Variants in ARHGEF19 observed in about 807,000 individuals in gnomAD.
ARHGEF19 encodes the protein Rho guanine nucleotide exchange factor (GEF) 19.
A neutral mutation model predicts 87.6 loss-of-function variants in ARHGEF19; 92 were observed. That is an observed-to-expected ratio of 1.05 (90% CI 0.89 to 1.25). The LOEUF (loss-of-function observed/expected upper bound fraction) is 1.25, where lower values mean the gene tolerates loss of function less well. ARHGEF19 is among the 50% of genes most tolerant of loss of function. ARHGEF19 has a pLI of 0.00. For synonymous variants in ARHGEF19, 438 were observed against 446.2 expected (o/e 0.98, Z 0.23); for missense variants, 1,054 against 1,051.8 (o/e 1.00, Z -0.03).
rs185376826 is a variant in ARHGEF19, at chr1:16,205,882, C to A, written c.1451+49G>T. On this transcript the variant is annotated intron_variant, in intron 8 of 15. Coordinates refer to ENST00000270747, the MANE Select transcript of ARHGEF19 (RefSeq NM_153213.5). The surrounding 1 kb of genome is among the most constrained non-coding windows in gnomAD (Gnocchi z 5.8). ...ACCCAGCCCTCAGTGCCTACACCTG[C>A]CTGAGACTCCCTCCACGCCCCCGCC... 8.3e-6 allele frequency: 13 copies of A among 1,562,094 alleles called. No homozygotes were observed. The Admixed American group carries it at 1.7e-4, about 21-fold the overall frequency.
At position 16,212,045 on chromosome 1, in the gene ARHGEF19, A is replaced by G. The variant is rs552428267; in HGVS notation, c.-30+457T>C. ...TCCTAAGGGACCGCACCACCGCCCA[A>G]TGCCCTCTCTAAGAAACATGTCTCA... On this transcript the variant is annotated intron_variant, in intron 1 of 15. Transcript: ENST00000270747. 2.1e-3 allele frequency among the ~76,000 whole-genome samples: 320 copies of G among 151,054 alleles called. 1 individual carries two copies. The highest frequency in any genetic ancestry group is 3.9e-3 in the South Asian group (19 of 4,826).
chr1:16,209,769 T>C (rs566555709), intron 1 of ARHGEF19, among the ~76,000 whole-genome samples: 2 of 152,328 alleles, frequency 1.3e-5, no homozygotes, highest in East Asian at 3.9e-4. Context: ...CTTGCTCTGA[T>C]GTTTCTCCCC....
At position 16,207,526 on chromosome 1, in the gene ARHGEF19, A is replaced by G. The variant is rs758665884; in HGVS notation, c.870T>C (p.Leu290=). 6.2e-7 allele frequency: 1 copy of G among 1,613,824 alleles called. No homozygotes were observed. Among genetic ancestry groups the G allele is most frequent in the Non-Finnish European group, 8.5e-7 (1 of 1,179,948 alleles). ...TNERRQSRFL[L]NSVLYQEYSD... is the part of the protein sequence containing the mutation. The stretch of plus-strand genomic sequence containing the variant: ...AGGGACCCCCCTCCCACGTACAGTT[A>G]AGGAGGAATCGAGACTGGCGCCGCT... The change falls in exon 5 of 16, where the codon CTT becomes CTC. Residue 290 remains leucine, a synonymous_variant. Transcript: ENST00000270747. This position sits in a 1 kb window ranked among gnomAD's most constrained non-coding sequence, Gnocchi z 4.0.
Position 16,205,537 on chromosome 1 carries a change from C to A in ARHGEF19, c.1581+1G>T, listed in dbSNP as rs750125988. 6.2e-7 allele frequency: 1 copy of A among 1,613,906 alleles called. No homozygotes were observed. Among genetic ancestry groups the A allele is most frequent in the Admixed American group, 1.7e-5 (1 of 59,958 alleles). ...CACTGTGGCCTGTCCCCTCGAGGTA[C>A]CTCCACCAACATCTTGAGGCGGGTG... On this transcript the variant is annotated splice_donor_variant, in intron 9 of 15. Coordinates refer to ENST00000270747, the MANE Select transcript of ARHGEF19 (RefSeq NM_153213.5). LOFTEE classifies it high-confidence loss of function. This position sits in a 1 kb window ranked among gnomAD's most constrained non-coding sequence, Gnocchi z 5.8.
rs747449388 is a variant in ARHGEF19 at position 16,208,113 on chromosome 1, C to T, written c.525G>A (p.Glu175=). ...TGGACCCAGACAACTCCACCCTGGG[C>T]TCCTCTGTGCTCAGGGCCTGCTCTT... ...VVQEQALSTE[E]PRVELSGSTR... The change falls in exon 3 of 16, where the codon GAG becomes GAA. Residue 175 remains glutamate (E), a synonymous_variant. Coordinates refer to ENST00000270747, the MANE Select transcript of ARHGEF19 (RefSeq NM_153213.5). 20 of 1,614,070 alleles carry T rather than the reference C, an allele frequency of 1.2e-5. No homozygotes were observed. The South Asian group carries it at 2.1e-4, about 17-fold the overall frequency.
Position 16,201,148 on chromosome 1 carries a change from G to A in ARHGEF19, c.2146+634C>T, listed in dbSNP as rs139757648. Among the ~76,000 whole-genome samples, 225 of 152,194 alleles carry A rather than the reference G, an allele frequency of 1.5e-3. 1 individual carries two copies. Among genetic ancestry groups the A allele is most frequent in the African/African-American group, 5.0e-3 (209 of 41,504 alleles). ...AAGGCAGGAGGATCACTTGAGCCCAGGAGGTTGAGACTACAGTGATCCATG... is the reference window on the plus strand; with the variant it reads ...AAGGCAGGAGGATCACTTGAGCCCAAGAGGTTGAGACTACAGTGATCCATG... On this transcript the variant is annotated intron_variant, in intron 14 of 15. Coordinates refer to ENST00000270747, the MANE Select transcript of ARHGEF19 (RefSeq NM_153213.5).
At chr1:16,210,236 A>G (rs2081186636) in intron 1 of ARHGEF19, among the ~76,000 whole-genome samples, 1 of 152,186 alleles carries the variant, frequency 6.6e-6, no homozygotes, top group Non-Finnish European at 1.5e-5. Context: ...CCACCCAGAC[A>G]AAGAGTTTGA....
Position 16,207,537 on chromosome 1 carries a change from G to T in ARHGEF19, c.859C>A (p.Arg287=). Residue 287 remains arginine, a synonymous_variant, in exon 5 of 16, where the codon CGA becomes AGA. Transcript: ENST00000270747. This position sits in a 1 kb window ranked among gnomAD's most constrained non-coding sequence, Gnocchi z 4.0. ...TCCCACGTACAGTTAAGGAGGAATCGAGACTGGCGCCGCTCGTTGGTGCTC... is the reference window on the plus strand; with the variant it reads ...TCCCACGTACAGTTAAGGAGGAATCTAGACTGGCGCCGCTCGTTGGTGCTC... The part of the protein sequence containing the change: ...SRSTNERRQS[R]FLLNSVLYQE... The T allele has an allele frequency of 1.2e-6, 2 of 1,613,894 alleles. No individual in the cohort carries two copies. Among genetic ancestry groups the T allele is most frequent in the Non-Finnish European group, 1.7e-6 (2 of 1,179,986 alleles).
chr1:16,201,084 T>C (rs2081080404), intron 14 of ARHGEF19, among the ~76,000 whole-genome samples: 2 of 151,956 alleles, frequency 1.3e-5, no homozygotes, highest in East Asian at 1.9e-4. Context: ...TATCCAGGTG[T>C]GGTAGTGCAT....
chr1:16,208,296 G>T, intron 2 of ARHGEF19, 71 bp from the exon 3 acceptor site: 1 of 1,520,458 alleles, frequency 6.6e-7, no homozygotes. Context: ...TGCTGCCCCT[G>T]GCCCTGAGCA....
In ARHGEF19 at chr1:16,206,868, A is replaced by G. The variant is rs2081141834; in HGVS notation, c.1137+80T>C. 7.3e-7 allele frequency: 1 copy of G among 1,361,388 alleles called. No individual in the cohort carries two copies. The highest frequency in any genetic ancestry group is 9.4e-7 in the Non-Finnish European group (1 of 1,062,838). The allele number at this position is 1,361,388 out of a possible 1,614,324, so 84.3% of individuals were successfully genotyped here. A position where few individuals can be genotyped will look rare whatever the true frequency, so the allele number is the denominator to read the frequency against. On this transcript the variant is annotated intron_variant, in intron 6 of 15. Coordinates refer to ENST00000270747, the MANE Select transcript of ARHGEF19 (RefSeq NM_153213.5). This position sits in a 1 kb window ranked among gnomAD's most constrained non-coding sequence, Gnocchi z 4.6. ...CCCCTTTGTGTGTCCCCCTCCCTCT[A>G]TGGCCCGGTTCCCGCTAAGTCCCCG...
At position 16,204,784 on chromosome 1, in the gene ARHGEF19, A is replaced by G; in HGVS notation, c.1882T>C (p.Cys628Arg). The G allele has an allele frequency of 1.2e-6, 2 of 1,608,262 alleles. No homozygotes were observed. The highest frequency in any genetic ancestry group is 1.7e-6 in the Non-Finnish European group (2 of 1,175,652). Reference protein sequence around the residue: ...KAVYLHLFNDCLLLSRRKELG... With the variant: ...KAVYLHLFNDRLLLSRRKELG... The stretch of plus-strand genomic sequence containing the variant: ...TCCTTCCGCCGAGAGAGCAGCAAGC[A>G]GTCATTGAAGAGGTGGAGGTAGACT... Residue 628 changes from cysteine (C) to arginine (R), a missense_variant, in exon 12 of 16, where the codon TGC becomes CGC. Transcript: ENST00000270747.
At chr1:16,200,293 G>C (rs2081072791) in intron 14 of ARHGEF19, among the ~76,000 whole-genome samples, 1 of 152,254 alleles carries the variant, frequency 6.6e-6, no homozygotes, top group African/African-American at 2.4e-5. Context: ...TATGAAAAAT[G>C]TCTACCTAGT....
In ARHGEF19 at chr1:16,207,902, C is replaced by CCGCCGCCGGG; in HGVS notation, c.694+41_694+42insCCCGGCGGCG. 6.3e-7 allele frequency: 1 copy of CCGCCGCCGGG among 1,574,836 alleles called. No individual in the cohort carries two copies. Among genetic ancestry groups the CCGCCGCCGGG allele is most frequent in the South Asian group, 1.1e-5 (1 of 88,926 alleles). ...GGCATCGCCCACCCCCACCCCCACC[C>CCGCCGCCGGG]GGCATCTGGCTGCCCTCAGGGCCCA... is the stretch of plus-strand genomic sequence containing the variant. On this transcript the variant is annotated intron_variant, in intron 3 of 15. Transcript: ENST00000270747. This position sits in a 1 kb window ranked among gnomAD's most constrained non-coding sequence, Gnocchi z 4.0.
chr1:16,208,411 G>T (rs113618409), intron 2 of ARHGEF19, among the ~76,000 whole-genome samples, 186 bp from the exon 3 acceptor site: 1 of 152,190 alleles, frequency 6.6e-6, no homozygotes, highest in Non-Finnish European at 1.5e-5. Context: ...AGAGCACAGG[G>T]CCTGGCTGCA....
rs750483328 is a variant in ARHGEF19, at chr1:16,207,618, A to C, written c.798-20T>G. 3.1e-6 allele frequency: 5 copies of C among 1,613,992 alleles called. No individual in the cohort carries two copies. The South Asian group carries it at 5.5e-5, about 18-fold the overall frequency. ...TCTAGCCTAGGAAAGAGAGAGCGTC[A>C]CGGCCCTAGTTCGCCTGCACCCTGT... On this transcript the variant is annotated intron_variant, in intron 4 of 15. Transcript: ENST00000270747. This position sits in a 1 kb window ranked among gnomAD's most constrained non-coding sequence, Gnocchi z 4.0.
At chr1:16,208,613 C>A in intron 2 of ARHGEF19, 30 bp downstream of exon 2, 1 of 1,569,010 alleles carries the variant, frequency 6.4e-7, no homozygotes, top group Admixed American at 2.1e-5. Flanking sequence ...TGCCATGGCA[C>A]CCACACCCGC....
rs1337259781 is a variant in ARHGEF19 at position 16,207,542 on chromosome 1, T to TG, written c.853dup (p.Gln285ProfsTer7). On this transcript the variant is annotated frameshift_variant, in exon 5 of 16. Transcript: ENST00000270747. LOFTEE classifies it high-confidence loss of function. The surrounding 1 kb of genome is among the most constrained non-coding windows in gnomAD (Gnocchi z 4.0). Reference sequence around the variant, plus strand: ...CGTACAGTTAAGGAGGAATCGAGACTGGCGCCGCTCGTTGGTGCTCCTGGA... The same window carrying TG: ...CGTACAGTTAAGGAGGAATCGAGACTGGGCGCCGCTCGTTGGTGCTCCTGGA... The TG allele has an allele frequency of 6.2e-7, 1 of 1,613,866 alleles. No individual in the cohort carries two copies. The highest frequency in any genetic ancestry group is 8.5e-7 in the Non-Finnish European group (1 of 1,179,994).
Position 16,208,919 on chromosome 1 carries a change from C to T in ARHGEF19, c.136G>A (p.Val46Met). The change falls in exon 2 of 16, where the codon GTG (valine) becomes ATG (methionine). Residue 46 changes from valine (V) to methionine (M), a missense_variant. By Grantham distance (21) the Val-to-Met change is conservative (BLOSUM62 1). Transcript: ENST00000270747. The part of the protein sequence containing the change: ...ELPALKPPSP[V>M]CLDLFPVAPE... ...GCAACAGGGAAAAGGTCCAGACACA[C>T]TGGGCTCGGGGGCTTCAGGGCGGGC... The T allele has an allele frequency of 4.4e-6, 7 of 1,590,620 alleles. No individual in the cohort carries two copies. Among genetic ancestry groups the T allele is most frequent in the Admixed American group, 1.9e-5 (1 of 53,596 alleles).
Sources: gnomAD v4.1 joint callset for allele counts (sites outside exome capture counted in the v4.1 genomes callset) on GRCh38, gnomAD v4.1.1 for gene constraint, Gnocchi (gnomAD v3.1) non-coding constraint, MANE v1.5 for transcripts, NCBI Gene and HGNC (gene_info 2026-07-23, HGNC 2026-07-21) for gene names.